The following PRAG1 variants were observed in gnomAD, a reference collection of about 807,000 sequenced individuals.
The protein encoded by PRAG1 is PEAK1 related, kinase-activating pseudokinase 1.
Under a neutral mutation model 95.6 loss-of-function variants are expected in PRAG1, and 110 were observed. The ratio of observed to expected loss-of-function variants is 1.15; its 90% CI spans 0.99 to 1.35. The LOEUF is 1.35. PRAG1 is among the 40% of genes most tolerant of loss of function. The pLI is 0.00. For synonymous variants in PRAG1, 1,052 were observed against 819.4 expected (o/e 1.28, Z -4.85); for missense variants, 2,554 against 1,864.7 (o/e 1.37, Z -6.81).
chr8:8,360,012 G>A (rs1002318027), intron 3 of PRAG1, among the ~76,000 whole-genome samples: 3 of 152,002 alleles, frequency 2.0e-5, no homozygotes, highest in Admixed American at 6.6e-5. Context: ...TCTGAGGAAC[G>A]AGCTAAATCA....
chr8:8,332,393 C>CCTT (rs919120195), intron 4 of PRAG1, among the ~76,000 whole-genome samples: 5 of 152,038 alleles, frequency 3.3e-5, no homozygotes, highest in African/African-American at 1.2e-4. Flanking sequence ...GAACTTCTGA[C>CCTT]CTTCAGGTGA....
At chr8:8,367,200 C>T (rs1040871875) in intron 3 of PRAG1, among the ~76,000 whole-genome samples, 4 of 151,904 alleles carry the variant, frequency 2.6e-5, no homozygotes, top group African/African-American at 9.7e-5. Context: ...TCTTACCATC[C>T]TTTTGATCTG....
intron 3 of PRAG1, among the ~76,000 whole-genome samples, chr8:8,375,204 G>GTT (rs746109244): frequency 2.1e-3 from 202 of 94,420 alleles, no homozygotes; most frequent in African/African-American, 9.4e-3. Context: ...TTTTTTCTTT[G>GTT]TTTTTTTTTT....
Position 8,339,603 on chromosome 8 carries a change from T to G in PRAG1, c.2195A>C (p.Asp732Ala). 1 of 1,613,354 alleles carries G rather than the reference T, an allele frequency of 6.2e-7. No homozygotes were observed. The highest frequency in any genetic ancestry group is 8.5e-7 in the Non-Finnish European group (1 of 1,179,338). ...AGAGCCCTGGCTCACTTTTTCCAAA[T>G]CAGAGCTGCTCTTGTTCATTTTTAG... is the stretch of plus-strand genomic sequence containing the variant. ...HLLKMNKSSS[D>A]LEKVSQGSAE... Residue 732 changes from aspartate (D) to alanine (A), a missense_variant, in exon 4 of 6, where the codon GAT (aspartate) becomes GCT (alanine). Coordinates refer to ENST00000615670, the MANE Select transcript of PRAG1 (RefSeq NM_001080826.3).
chr8:8,380,790 T>C lies in PRAG1; in HGVS notation c.330+628A>G, dbSNP rs1490685039. Among the ~76,000 whole-genome samples the C allele has an allele frequency of 3.5e-5, 5 of 144,796 alleles. No individual in the cohort carries two copies. The East Asian group carries it at 1.0e-3, about 29-fold the overall frequency. The allele number at this position is 144,796 out of a possible 152,430, so 95.0% of individuals were successfully genotyped here. On this transcript the variant is annotated intron_variant, in intron 2 of 5. Coordinates refer to ENST00000615670, the MANE Select transcript of PRAG1 (RefSeq NM_001080826.3). ...ATCGCTTGAACCAGGGAGTCAGAGA[T>C]TGCAGTGAGCTGAGATCGCACCACT...
rs200140345 is a variant in PRAG1, at chr8:8,327,989, G to A, written c.2793C>T (p.Thr931=). 145 of 1,596,162 alleles carry A rather than the reference G, an allele frequency of 9.1e-5. No individual in the cohort carries two copies. In the East Asian group the frequency reaches 2.3e-3, roughly 25 times the overall value. ...SQLSVSSQAS[T]GSTQLQLHGL... is the part of the protein sequence containing the mutation. ...CGTGCAGCTGAAGCTGGGTGCTCCC[G>A]GTGGAGGCTTGACTGGACACGCTCA... is the stretch of plus-strand genomic sequence containing the variant. Residue 931 remains threonine, a synonymous_variant, in exon 5 of 6, where the codon ACC becomes ACT. Transcript: ENST00000615670.
intron 2 of PRAG1, among the ~76,000 whole-genome samples, chr8:8,381,051 T>C (rs1441671356): frequency 2.0e-5 from 3 of 152,080 alleles, no homozygotes; most frequent in African/African-American, 7.2e-5. Context: ...AAGTTCATAT[T>C]GAAGGGTATT....
In PRAG1 at chr8:8,372,449, G is replaced by A. The variant is rs958335470; in HGVS notation, c.2162+3798C>T. On this transcript the variant is annotated intron_variant, in intron 3 of 5. Coordinates refer to ENST00000615670, the MANE Select transcript of PRAG1 (RefSeq NM_001080826.3). ...ATAATTCTGCCTTATATTGGGACAG[G>A]GGTGACCCAGAGACTCTGTGAGATC... 1.1e-4 allele frequency among the ~76,000 whole-genome samples: 16 copies of A among 152,298 alleles called. No homozygotes were observed. In the South Asian group the frequency reaches 3.1e-3, roughly 30 times the overall value.
At chr8:8,371,030 G>A (rs541125920) in intron 3 of PRAG1, among the ~76,000 whole-genome samples, 1 of 151,408 alleles carries the variant, frequency 6.6e-6, no homozygotes. Context: ...CAGTTACTTG[G>A]GAGGCTGAGG....
At position 8,319,227 on chromosome 8, in the gene PRAG1, C is replaced by G; in HGVS notation, c.3148G>C (p.Asp1050His). ...ACCGAGGCGACGAAGTGGCCGCAGT[C>G]CTGCTGGATGTTAAAGTGCACGGGC... ...SVPVHFNIQQ[D>H]CGHFVASVPS... is the part of the protein sequence containing the mutation. Residue 1050 changes from aspartate to histidine, a missense_variant, in exon 6 of 6, where the codon GAC becomes CAC. Transcript: ENST00000615670. 6.4e-7 allele frequency: 1 copy of G among 1,570,890 alleles called. No homozygotes were observed. Among genetic ancestry groups the G allele is most frequent in the East Asian group, 2.3e-5 (1 of 43,592 alleles).
At chr8:8,321,857 G>A (rs894968058) in intron 5 of PRAG1, among the ~76,000 whole-genome samples, 1 of 152,230 alleles carries the variant, frequency 6.6e-6, no homozygotes, top group Non-Finnish European at 1.5e-5. Context: ...CACTGAATTA[G>A]TGAATAGTGA....
At chr8:8,359,560 T>A (rs1799784604) in intron 3 of PRAG1, among the ~76,000 whole-genome samples, 1 of 152,212 alleles carries the variant, frequency 6.6e-6, no homozygotes. Context: ...ATTACTTGAC[T>A]GGTAAAATTG....
chr8:8,347,894 A>G (rs1799397759), intron 3 of PRAG1, among the ~76,000 whole-genome samples: 1 of 136,152 alleles, frequency 7.3e-6, no homozygotes, highest in Non-Finnish European at 1.5e-5. Context: ...TCAGCTCACT[A>G]CAACCTCTGT....
chr8:8,335,556 AG>A (rs1330988481), intron 4 of PRAG1, among the ~76,000 whole-genome samples: 3 of 152,276 alleles, frequency 2.0e-5, no homozygotes, highest in South Asian at 2.1e-4. Flanking sequence ...ATAAAAAAAA[AG>A]TATTGACTTT....
intron 4 of PRAG1, among the ~76,000 whole-genome samples, chr8:8,335,662 C>T (rs1319477970): frequency 6.6e-6 from 1 of 152,164 alleles, no homozygotes; most frequent in African/African-American, 2.4e-5. Flanking sequence ...GCTCAGGCCA[C>T]AGAAAATTTT....
At position 8,328,250 on chromosome 8, in the gene PRAG1, G is replaced by A. The variant is rs1203807884; in HGVS notation, c.2532C>T (p.Ser844=). The change falls in exon 5 of 6, where the codon AGC becomes AGT. Residue 844 remains serine, a synonymous_variant. Coordinates refer to ENST00000615670, the MANE Select transcript of PRAG1 (RefSeq NM_001080826.3). ...CCGAGTGGCTTAGGTTCAGCTTGGG[G>A]CTTGCTGTTCCGGGCTTGGGGGAGC... ...TQGSPKPGTA[S]PKLNLSHSET... The A allele has an allele frequency of 1.9e-6, 3 of 1,614,210 alleles. No individual in the cohort carries two copies. The highest frequency in any genetic ancestry group is 2.5e-6 in the Non-Finnish European group (3 of 1,180,034).
rs765195604 is a variant in PRAG1, at chr8:8,328,263, G to C, written c.2519C>G (p.Pro840Arg). Residue 840 changes from proline (P) to arginine (R), a missense_variant, in exon 5 of 6, where the codon CCC (proline) becomes CGC (arginine). Transcript: ENST00000615670. ...GTTCAGCTTGGGGCTTGCTGTTCCG[G>C]GCTTGGGGGAGCCTTGGGTCCAGAA... is the stretch of plus-strand genomic sequence containing the variant. ...GFFWTQGSPK[P>R]GTASPKLNLS... 1.2e-6 allele frequency: 2 copies of C among 1,614,152 alleles called. No homozygotes were observed. Among genetic ancestry groups the C allele is most frequent in the Admixed American group, 3.3e-5 (2 of 60,026 alleles).
At chr8:8,324,394 C>T (rs761744848) in intron 5 of PRAG1, among the ~76,000 whole-genome samples, 1 of 152,162 alleles carries the variant, frequency 6.6e-6, no homozygotes, top group Non-Finnish European at 1.5e-5. Flanking sequence ...GTGCACTGGG[C>T]CTTTGGCAAG....
rs760635532 is a variant in PRAG1 at position 8,319,310 on chromosome 8, GAGA to G, written c.3073-11_3073-9del. ...CTCAGGGGCTTTGCAGATCTGTGGA[GAGA>G]AGAAGAAGTGAAATCAAGAGTGGGG... On this transcript the variant is annotated splice_polypyrimidine_tract_variant and intron_variant, in intron 5 of 5. Coordinates refer to ENST00000615670, the MANE Select transcript of PRAG1 (RefSeq NM_001080826.3). 5.1e-5 allele frequency: 76 copies of G among 1,491,054 alleles called. No individual in the cohort carries two copies. The African/African-American group carries it at 5.5e-4, about 11-fold the overall frequency. The allele number at this position is 1,491,054 out of a possible 1,614,324, so 92.4% of individuals were successfully genotyped here. A position where few individuals can be genotyped will look rare whatever the true frequency, so the allele number is the denominator to read the frequency against.
Sources: gnomAD v4.1 joint callset for allele counts (sites outside exome capture counted in the v4.1 genomes callset) on GRCh38, gnomAD v4.1.1 for gene constraint, MANE v1.5 for transcripts, NCBI Gene and HGNC (gene_info 2026-07-23, HGNC 2026-07-21) for gene names.